UFSP1: variants seen among roughly 807,000 people sequenced by gnomAD.
UFSP1 encodes the protein UFM1 specific peptidase 1.
For synonymous variants in UFSP1, 119 were observed against 77.6 expected, an observed-to-expected ratio of 1.53 and a Z score of -2.81; for missense variants, 261 against 182.7, an observed-to-expected ratio of 1.43 and a Z score of -2.47.
At position 100,889,011 on chromosome 7, in the gene UFSP1, G is replaced by A. The variant is rs746335644; in HGVS notation, c.261C>T (p.Val87=). Reference sequence around the variant, plus strand: ...CCCAGTAGTGAGGGTCCAATACCAGGACATAGGCTTCCGTGCCTGACCCTA... The same window carrying A: ...CCCAGTAGTGAGGGTCCAATACCAGAACATAGGCTTCCGTGCCTGACCCTA... The change falls in exon 1 of 1, where the codon GTC becomes GTT. Residue 87 remains valine (V), a synonymous_variant. Coordinates refer to ENST00000388761, the MANE Select transcript of UFSP1 (RefSeq NM_001015072.4). The A allele has an allele frequency of 1.2e-6, 2 of 1,614,168 alleles. No homozygotes were observed. Among genetic ancestry groups the A allele is most frequent in the Admixed American group, 1.7e-5 (1 of 60,020 alleles).
rs191455018 is a variant in UFSP1 at position 100,889,352 on chromosome 7, G to C, written c.-81C>G. ...TCTGGCCACGAGCACAGCGTCTGCA[G>C]AGTGCGGTAGCCGCAGCCCCAGCCG... On this transcript the variant is annotated 5_prime_UTR_variant, in exon 1 of 1. Transcript: ENST00000388761. The C allele has an allele frequency of 1.6e-6, 2 of 1,269,634 alleles. No homozygotes were observed. Among genetic ancestry groups the C allele is most frequent in the East Asian group, 2.6e-5 (1 of 38,140 alleles). 78.6% of individuals were successfully genotyped at this position (1,269,634 alleles called of 1,614,324 possible).
Position 100,888,777 on chromosome 7 carries a change from G to C in UFSP1, c.*66C>G. On this transcript the variant is annotated 3_prime_UTR_variant, in exon 1 of 1. Transcript: ENST00000388761. ...TGTCAAAAGCGCCAGGCTTTGCAGG[G>C]ACACCAGTGGGAGGTACATAGGTGC... 1 of 1,555,876 alleles carries C rather than the reference G, an allele frequency of 6.4e-7. No homozygotes were observed. Among genetic ancestry groups the C allele is most frequent in the African/African-American group, 1.4e-5 (1 of 73,352 alleles).
Position 100,888,831 on chromosome 7 carries a change from G to A in UFSP1, c.*12C>T, listed in dbSNP as rs751544119. ...TCTGGGACCCGAGAATCTCAGTTCT[G>A]TAACTTCGTCCTCAGTCCAAGGTGC... On this transcript the variant is annotated 3_prime_UTR_variant, in exon 1 of 1. Transcript: ENST00000388761. The A allele has an allele frequency of 6.3e-7, 1 of 1,593,682 alleles. No homozygotes were observed. Among genetic ancestry groups the A allele is most frequent in the South Asian group, 1.1e-5 (1 of 88,586 alleles).
Position 100,888,948 on chromosome 7 carries a change from C to T in UFSP1, c.324G>A (p.Gly108=), listed in dbSNP as rs1790460168. The T allele has an allele frequency of 1.2e-6, 2 of 1,614,078 alleles. No homozygotes were observed. The highest frequency in any genetic ancestry group is 1.7e-6 in the Non-Finnish European group (2 of 1,180,044). Residue 108 remains glycine (G), a synonymous_variant, in exon 1 of 1, where the codon GGG becomes GGA. Transcript: ENST00000388761. ...CACTCACCTCTTGCCAGCCCACCCACCCAGCAGCCTGTAGTTCACTGGGGC... is the reference window on the plus strand; with the variant it reads ...CACTCACCTCTTGCCAGCCCACCCATCCAGCAGCCTGTAGTTCACTGGGGC...
rs1361366276 is a variant in UFSP1 at position 100,888,901 on chromosome 7, A to G, written c.371T>C (p.Phe124Ser). 3.7e-6 allele frequency: 6 copies of G among 1,613,934 alleles called. No homozygotes were observed. The Admixed American group carries it at 5.0e-5, about 13-fold the overall frequency. Residue 124 changes from phenylalanine (F) to serine (S), a missense_variant, in exon 1 of 1, where the codon TTC (phenylalanine) becomes TCC (serine). By Grantham distance (155) the Phe-to-Ser change is radical. Coordinates refer to ENST00000388761, the MANE Select transcript of UFSP1 (RefSeq NM_001015072.4). ...AAGGCTGGTCAAGCACAGGTTGTAG[A>G]AGGAGTTGGGGTCAAAGGCTGCACT...
Position 100,889,159 on chromosome 7 carries a change from G to T in UFSP1, c.113C>A (p.Pro38His), listed in dbSNP as rs775290723. 6.2e-7 allele frequency: 1 copy of T among 1,612,790 alleles called. No individual in the cohort carries two copies. The highest frequency in any genetic ancestry group is 8.5e-7 in the Non-Finnish European group (1 of 1,179,756). The change falls in exon 1 of 1, where the codon CCC becomes CAC. Residue 38 changes from proline (P) to histidine (H), a missense_variant. Coordinates refer to ENST00000388761, the MANE Select transcript of UFSP1 (RefSeq NM_001015072.4). ...CTCCCCGTGCAGCCCCACTCCCCGG[G>T]GTACGTGGCAGAGGCGTCCCTGGGG...
In UFSP1 at chr7:100,888,962, G is replaced by C; in HGVS notation, c.310C>G (p.Leu104Val). The change falls in exon 1 of 1, where the codon CTA becomes GTA. Residue 104 changes from leucine to valine, a missense_variant. By Grantham distance (32) the Leu-to-Val change is conservative (BLOSUM62 1). Transcript: ENST00000388761. ...CAGCCCACCCACCCAGCAGCCTGTA[G>C]TTCACTGGGGCTTTTTGGAGTGCCC... The C allele has an allele frequency of 1.9e-6, 3 of 1,614,208 alleles. No homozygotes were observed. The highest frequency in any genetic ancestry group is 2.5e-6 in the Non-Finnish European group (3 of 1,180,034).
In UFSP1 at chr7:100,889,510, G is replaced by A; in HGVS notation, c.-239C>T. ...CCTCAGCGGCTCCAGGGCGGTGGGCGGGAGCGGAGGTCCCAGGCCAGGCAC... is the reference window on the plus strand; with the variant it reads ...CCTCAGCGGCTCCAGGGCGGTGGGCAGGAGCGGAGGTCCCAGGCCAGGCAC... On this transcript the variant is annotated 5_prime_UTR_variant, in exon 1 of 1. Coordinates refer to ENST00000388761, the MANE Select transcript of UFSP1 (RefSeq NM_001015072.4). 2.2e-6 allele frequency: 1 copy of A among 459,090 alleles called. No individual in the cohort carries two copies. Among genetic ancestry groups the A allele is most frequent in the Non-Finnish European group, 3.9e-6 (1 of 258,912 alleles). The allele number at this position is 459,090 out of a possible 1,614,324, so 28.4% of individuals were successfully genotyped here. A position where few individuals can be genotyped will look rare whatever the true frequency, so the allele number is the denominator to read the frequency against.
chr7:100,889,022 C>T lies in UFSP1; in HGVS notation c.250G>A (p.Glu84Lys), dbSNP rs1193443999. The change falls in exon 1 of 1, where the codon GAA becomes AAA. Residue 84 changes from glutamate (E) to lysine (K), a missense_variant. Physicochemically the swap from Glu to Lys is moderately conservative, Grantham distance 56 (BLOSUM62 1). Transcript: ENST00000388761. ...GGGTCCAATACCAGGACATAGGCTT[C>T]CGTGCCTGACCCTACGCAGACTCCC... is the stretch of plus-strand genomic sequence containing the variant. 1.2e-6 allele frequency: 2 copies of T among 1,614,050 alleles called. No individual in the cohort carries two copies. Among genetic ancestry groups the T allele is most frequent in the African/African-American group, 2.7e-5 (2 of 74,912 alleles).
At position 100,889,325 on chromosome 7, in the gene UFSP1, C is replaced by T; in HGVS notation, c.-54G>A. The T allele has an allele frequency of 2.1e-6, 3 of 1,422,102 alleles. No individual in the cohort carries two copies. The highest frequency in any genetic ancestry group is 2.8e-6 in the Non-Finnish European group (3 of 1,079,508). The allele number at this position is 1,422,102 out of a possible 1,614,324, so 88.1% of individuals were successfully genotyped here. A position where few individuals can be genotyped will look rare whatever the true frequency, so the allele number is the denominator to read the frequency against. On this transcript the variant is annotated 5_prime_UTR_variant, in exon 1 of 1. Transcript: ENST00000388761. The stretch of plus-strand genomic sequence containing the variant: ...AGTCCAGGTACGCCCGCGGGCTGGC[C>T]CTCTGGCCACGAGCACAGCGTCTGC...
In UFSP1 at chr7:100,889,209, G is replaced by T; in HGVS notation, c.63C>A (p.Ser21Arg). 6.2e-7 allele frequency: 1 copy of T among 1,600,338 alleles called. No individual in the cohort carries two copies. The highest frequency in any genetic ancestry group is 8.5e-7 in the Non-Finnish European group (1 of 1,174,064). The change falls in exon 1 of 1, where the codon AGC becomes AGA. Residue 21 changes from serine to arginine, a missense_variant. Coordinates refer to ENST00000388761, the MANE Select transcript of UFSP1 (RefSeq NM_001015072.4). The stretch of plus-strand genomic sequence containing the variant: ...GCCCTCCGAAGTGAGCGAGGCAGAG[G>T]CTGGCCTCCACGCAGCCGATCCAGT...
In UFSP1 at chr7:100,888,878, G is replaced by A. The variant is rs200859645; in HGVS notation, c.394C>T (p.Leu132Phe). The change falls in exon 1 of 1, where the codon CTT (leucine) becomes TTT (phenylalanine). Residue 132 changes from leucine to phenylalanine, a missense_variant. Leu to Phe is a conservative substitution (Grantham distance 22, BLOSUM62 0). Transcript: ENST00000388761. ...GTGCGCTGCTGCTGTTGGGAGCTAA[G>A]GCTGGTCAAGCACAGGTTGTAGAAG... 102 of 1,613,606 alleles carry A rather than the reference G, an allele frequency of 6.3e-5. No individual in the cohort carries two copies. Among genetic ancestry groups the A allele is most frequent in the Non-Finnish European group, 8.2e-5 (97 of 1,179,748 alleles).
chr7:100,888,919 G>C lies in UFSP1; in HGVS notation c.353C>G (p.Ala118Gly), dbSNP rs746638472. ...GTTGTAGAAGGAGTTGGGGTCAAAGGCTGCACTCACCTCTTGCCAGCCCAC... is the reference window on the plus strand; with the variant it reads ...GTTGTAGAAGGAGTTGGGGTCAAAGCCTGCACTCACCTCTTGCCAGCCCAC... Residue 118 changes from alanine to glycine, a missense_variant, in exon 1 of 1, where the codon GCC becomes GGC. Transcript: ENST00000388761. The C allele has an allele frequency of 3.1e-6, 5 of 1,614,144 alleles. No individual in the cohort carries two copies. The highest frequency in any genetic ancestry group is 4.2e-6 in the Non-Finnish European group (5 of 1,180,034).
chr7:100,888,769 T>TGC lies in UFSP1; in HGVS notation c.*73_*74insGC, dbSNP rs1207905271. The TGC allele has an allele frequency of 6.4e-7, 1 of 1,555,884 alleles. No homozygotes were observed. Among genetic ancestry groups the TGC allele is most frequent in the Non-Finnish European group, 8.7e-7 (1 of 1,144,210 alleles). On this transcript the variant is annotated 3_prime_UTR_variant, in exon 1 of 1. Transcript: ENST00000388761. ...ATTATTGATGTCAAAAGCGCCAGGC[T>TGC]TTGCAGGGACACCAGTGGGAGGTAC...
rs764921031 is a variant in UFSP1, at chr7:100,889,033, C to G, written c.239G>C (p.Gly80Ala). 7 of 1,614,054 alleles carry G rather than the reference C, an allele frequency of 4.3e-6. No homozygotes were observed. Among genetic ancestry groups the G allele is most frequent in the East Asian group, 4.5e-5 (2 of 44,900 alleles). Residue 80 changes from glycine to alanine, a missense_variant, in exon 1 of 1, where the codon GGG (glycine) becomes GCG (alanine). By Grantham distance (60) the Gly-to-Ala change is moderately conservative (BLOSUM62 0). Transcript: ENST00000388761. The stretch of plus-strand genomic sequence containing the variant: ...CAGGACATAGGCTTCCGTGCCTGAC[C>G]CTACGCAGACTCCCAGCAAGGCCTT...
chr7:100,889,252 C>T lies in UFSP1; in HGVS notation c.20G>A (p.Gly7Asp), dbSNP rs1790484300. The T allele has an allele frequency of 1.3e-6, 2 of 1,542,924 alleles. No individual in the cohort carries two copies. Among genetic ancestry groups the T allele is most frequent in the South Asian group, 1.2e-5 (1 of 81,588 alleles). Residue 7 changes from glycine (G) to aspartate (D), a missense_variant, in exon 1 of 1, where the codon GGC (glycine) becomes GAC (aspartate). By Grantham distance (94) the Gly-to-Asp change is moderately conservative. Transcript: ENST00000388761. ...GATCCAGTCCCGGGAGCCCCGGAAGCCGGGGGGCTTGTCGCCCATGTCCTC... is the reference window on the plus strand; with the variant it reads ...GATCCAGTCCCGGGAGCCCCGGAAGTCGGGGGGCTTGTCGCCCATGTCCTC...
rs1265126064 is a variant in UFSP1 at position 100,888,879 on chromosome 7, G to A, written c.393C>T (p.Ser131=). The A allele has an allele frequency of 1.2e-6, 2 of 1,613,730 alleles. No homozygotes were observed. The highest frequency in any genetic ancestry group is 1.7e-5 in the Admixed American group (1 of 59,998). ...TGCGCTGCTGCTGTTGGGAGCTAAGGCTGGTCAAGCACAGGTTGTAGAAGG... is the reference window on the plus strand; with the variant it reads ...TGCGCTGCTGCTGTTGGGAGCTAAGACTGGTCAAGCACAGGTTGTAGAAGG... The change falls in exon 1 of 1, where the codon AGC becomes AGT. Residue 131 remains serine, a synonymous_variant. Coordinates refer to ENST00000388761, the MANE Select transcript of UFSP1 (RefSeq NM_001015072.4).
In UFSP1 at chr7:100,889,073, C is replaced by T. The variant is rs780529993; in HGVS notation, c.199G>A (p.Ala67Thr). ...AGCAAGGCCTTGGACCTGGCATCTGCGTCCCCCCCAACCATGACTGGGCCC... is the reference window on the plus strand; with the variant it reads ...AGCAAGGCCTTGGACCTGGCATCTGTGTCCCCCCCAACCATGACTGGGCCC... The change falls in exon 1 of 1, where the codon GCA becomes ACA. Residue 67 changes from alanine (A) to threonine (T), a missense_variant. Coordinates refer to ENST00000388761, the MANE Select transcript of UFSP1 (RefSeq NM_001015072.4). 1 of 1,613,792 alleles carries T rather than the reference C, an allele frequency of 6.2e-7. No individual in the cohort carries two copies. Among genetic ancestry groups the T allele is most frequent in the Non-Finnish European group, 8.5e-7 (1 of 1,179,930 alleles).
chr7:100,889,016 A>T lies in UFSP1; in HGVS notation c.256T>A (p.Tyr86Asn), dbSNP rs1392940435. ...TAGTGAGGGTCCAATACCAGGACAT[A>T]GGCTTCCGTGCCTGACCCTACGCAG... The change falls in exon 1 of 1, where the codon TAT (tyrosine) becomes AAT (asparagine). Residue 86 changes from tyrosine to asparagine, a missense_variant. Physicochemically the swap from Tyr to Asn is moderately radical, Grantham distance 143 (BLOSUM62 -2). Transcript: ENST00000388761. 2 of 1,614,002 alleles carry T rather than the reference A, an allele frequency of 1.2e-6. No individual in the cohort carries two copies. The highest frequency in any genetic ancestry group is 3.3e-5 in the Admixed American group (2 of 60,006).
Sources: gnomAD v4.1 joint callset for allele counts on GRCh38, gnomAD v4.1.1 for gene constraint, MANE v1.5 for transcripts, NCBI Gene and HGNC (gene_info 2026-07-23, HGNC 2026-07-21) for gene names.